NCAN: variants seen among roughly 807,000 people sequenced by gnomAD.
NCAN encodes neurocan core protein.
A neutral mutation model predicts 121.8 loss-of-function variants in NCAN; 47 were observed. The ratio of observed to expected loss-of-function variants is 0.39; its 90% CI spans 0.31 to 0.49. The LOEUF is 0.49. NCAN is among the 20% of genes least tolerant of loss of function. The pLI is 0.92. For missense variants in NCAN, 1,517 were observed against 1,773.4 expected, an observed-to-expected ratio of 0.86 and a Z score of 2.60; for synonymous variants, 633 against 702.0, an observed-to-expected ratio of 0.90 and a Z score of 1.55.
intron 2 of NCAN, 140 bp from the exon 3 acceptor site, chr19:19,218,775 G>C (rs1445642373): frequency 1.2e-6 from 1 of 834,282 alleles, no homozygotes; most frequent in African/African-American, 1.8e-5. Context: ...TCCAGCCACT[G>C]CTTGGATTCT....
At chr19:19,220,761 A>G (rs764352454) in intron 3 of NCAN, among the ~76,000 whole-genome samples, 4 of 152,056 alleles carry the variant, frequency 2.6e-5, no homozygotes, top group Non-Finnish European at 5.9e-5. Context: ...CCTGGCAACC[A>G]ATTCCTTTAT....
In NCAN at chr19:19,224,402, C is replaced by T. The variant is rs372529260; in HGVS notation, c.747C>T (p.Tyr249=). The change falls in exon 5 of 15, where the codon TAC becomes TAT. Residue 249 remains tyrosine (Y), a synonymous_variant. Transcript: ENST00000252575. ...GGAGGCGCAACCCACAGGAACTCTA[C>T]GATGTGTATTGCTTTGCCCGGGAGC... ...SYGRRNPQEL[Y]DVYCFARELG... 2.2e-5 allele frequency: 35 copies of T among 1,613,900 alleles called. No individual in the cohort carries two copies. The highest frequency in any genetic ancestry group is 2.8e-5 in the Non-Finnish European group (33 of 1,179,976).
chr19:19,224,364 G>A lies in NCAN; in HGVS notation c.709G>A (p.Val237Ile), dbSNP rs1340310676. Reference protein sequence around the residue: ...CYGDRSSLPGVRSYGRRNPQE... With the variant: ...CYGDRSSLPGIRSYGRRNPQE... Reference sequence around the variant, plus strand: ...TGGCGACCGTAGCAGCCTTCCAGGGGTTCGGAGCTATGGGAGGCGCAACCC... The same window carrying A: ...TGGCGACCGTAGCAGCCTTCCAGGGATTCGGAGCTATGGGAGGCGCAACCC... The change falls in exon 5 of 15, where the codon GTT becomes ATT. Residue 237 changes from valine to isoleucine, a missense_variant. By Grantham distance (29) the Val-to-Ile change is conservative (BLOSUM62 3). Coordinates refer to ENST00000252575, the MANE Select transcript of NCAN (RefSeq NM_004386.3). The A allele has an allele frequency of 4.3e-6, 7 of 1,614,072 alleles. No homozygotes were observed. The highest frequency in any genetic ancestry group is 5.9e-6 in the Non-Finnish European group (7 of 1,179,990).
At chr19:19,217,786 A>G (rs2060801055) in intron 2 of NCAN, among the ~76,000 whole-genome samples, 1 of 152,206 alleles carries the variant, frequency 6.6e-6, no homozygotes. Context: ...CAGGGGTTCC[A>G]GGCTAGCCTG....
intron 10 of NCAN, among the ~76,000 whole-genome samples, chr19:19,237,873 A>C (rs546503810): frequency 2.0e-5 from 3 of 152,164 alleles, no homozygotes; most frequent in Admixed American, 2.0e-4. Flanking sequence ...GTGAAACCCT[A>C]TCTCTACTAA....
At chr19:19,249,224 C>A (rs917968162) in intron 14 of NCAN, among the ~76,000 whole-genome samples, 2 of 152,044 alleles carry the variant, frequency 1.3e-5, no homozygotes, top group Non-Finnish European at 2.9e-5. Context: ...GTGTCCACTG[C>A]CATGCCCGGC....
chr19:19,226,687 C>T lies in NCAN; in HGVS notation c.1274C>T (p.Ser425Phe), dbSNP rs753721025. 3.7e-6 allele frequency: 6 copies of T among 1,613,196 alleles called. No homozygotes were observed. In the South Asian group the frequency reaches 5.5e-5, roughly 15 times the overall value. ...ETLILEEKQE[S>F]QQTLSPTPGD... Reference sequence around the variant, plus strand: ...CTGATTTTGGAGGAGAAGCAGGAGTCTCAACAGACCCTCAGCCCTACCCCT... The same window carrying T: ...CTGATTTTGGAGGAGAAGCAGGAGTTTCAACAGACCCTCAGCCCTACCCCT... Residue 425 changes from serine (S) to phenylalanine (F), a missense_variant, in exon 7 of 15, where the codon TCT becomes TTT. By Grantham distance (155) the Ser-to-Phe change is radical. Transcript: ENST00000252575.
At position 19,244,345 on chromosome 19, in the gene NCAN, A is replaced by G. The variant is rs143994859; in HGVS notation, c.3493-968A>G. On this transcript the variant is annotated intron_variant, in intron 12 of 14. Coordinates refer to ENST00000252575, the MANE Select transcript of NCAN (RefSeq NM_004386.3). ...TTTTTTTGAGATAGAATCTCACTCC[A>G]TCACCCGGGCTGGAGTTCAGTGATG... Among the ~76,000 whole-genome samples, 147 of 140,324 alleles carry G rather than the reference A, an allele frequency of 1.0e-3. 3 individuals are homozygous for G. In the East Asian group the frequency reaches 0.017, roughly 16 times the overall value. 92.1% of individuals were successfully genotyped at this position (140,324 alleles called of 152,430 possible).
At chr19:19,219,845 T>G in intron 3 of NCAN, among the ~76,000 whole-genome samples, 1 of 132,332 alleles carries the variant, frequency 7.6e-6, no homozygotes, top group African/African-American at 2.9e-5. Context: ...GCCAACATGG[T>G]GAAACCCCGT....
In NCAN at chr19:19,225,434, TACG is replaced by T. The variant is rs1195582326; in HGVS notation, c.1072+167_1072+169del. Among the ~76,000 whole-genome samples the T allele has an allele frequency of 1.3e-5, 2 of 152,312 alleles. No individual in the cohort carries two copies. Among genetic ancestry groups the T allele is most frequent in the East Asian group, 3.9e-4 (2 of 5,164 alleles). The stretch of plus-strand genomic sequence containing the variant: ...GCCCCCGGGTGAAGGCCACACCCGT[TACG>T]ACAAGTCTTTCCCTAGGAGCCCCGT... On this transcript the variant is annotated intron_variant, in intron 6 of 14. Transcript: ENST00000252575. This position sits in a 1 kb window ranked among gnomAD's most constrained non-coding sequence, Gnocchi z 4.0.
chr19:19,216,799 G>A (rs1192304254), intron 1 of NCAN, 148 bp from the exon 2 acceptor site: 6 of 445,394 alleles, frequency 1.3e-5, no homozygotes, highest in Non-Finnish European at 1.6e-5. Context: ...CCCTTTGCTG[G>A]CTCCTTCTGT....
chr19:19,224,459 G>C (rs1346822943), intron 5 of NCAN, 26 bp downstream of exon 5: 1 of 1,606,310 alleles, frequency 6.2e-7, no homozygotes, highest in Non-Finnish European at 8.5e-7. Context: ...GCAGGACCCG[G>C]CCCCTCCGCC....
Position 19,251,945 on chromosome 19 carries a change from C to T in NCAN, c.*2034C>T, listed in dbSNP as rs151315225. On this transcript the variant is annotated 3_prime_UTR_variant, in exon 15 of 15. Transcript: ENST00000252575. ...GGGGGTCTTGGTTTATGCTCCCTGC[C>T]CTTGAGCCCCTCAGCCGTTTGCCCT... 14 of 152,480 alleles carry T rather than the reference C, an allele frequency of 9.2e-5. No homozygotes were observed. The East Asian group carries it at 2.7e-3, about 30-fold the overall frequency. 9.4% of individuals were successfully genotyped at this position (152,480 alleles called of 1,614,324 possible). A position where few individuals can be genotyped will look rare whatever the true frequency, so the allele number is the denominator to read the frequency against.
Position 19,218,904 on chromosome 19 carries a change from C to T in NCAN, c.74-11C>T. ...CTGAATCAGGCCCTCTCTCCACCTT[C>T]TCCAACCCAGGCACACAGGATATCA... On this transcript the variant is annotated splice_polypyrimidine_tract_variant and intron_variant, in intron 2 of 14. Coordinates refer to ENST00000252575, the MANE Select transcript of NCAN (RefSeq NM_004386.3). 6.7e-7 allele frequency: 1 copy of T among 1,482,392 alleles called. No homozygotes were observed. The highest frequency in any genetic ancestry group is 9.0e-7 in the Non-Finnish European group (1 of 1,113,498). 91.8% of individuals were successfully genotyped at this position (1,482,392 alleles called of 1,614,324 possible).
chr19:19,217,766 C>A (rs1228740303), intron 2 of NCAN, among the ~76,000 whole-genome samples: 1 of 151,950 alleles, frequency 6.6e-6, no homozygotes, highest in East Asian at 1.9e-4. Flanking sequence ...GCAGGCAGAT[C>A]ACTTGAGGTC....
chr19:19,239,294 G>A (rs72999016), intron 11 of NCAN, among the ~76,000 whole-genome samples: 16,240 of 151,868 alleles, frequency 0.11, 1,135 homozygotes, highest in Middle Eastern at 0.26. Context: ...AGGGTGGGGT[G>A]AGGATGCACC....
At chr19:19,243,728 G>A (rs1019916746) in intron 12 of NCAN, among the ~76,000 whole-genome samples, 8 of 151,700 alleles carry the variant, frequency 5.3e-5, no homozygotes, top group African/African-American at 2.4e-5. Flanking sequence ...AACTGCACAC[G>A]TAAAAATGGT....
In NCAN at chr19:19,225,260, C is replaced by T. The variant is rs2060831465; in HGVS notation, c.1062C>T (p.Tyr354=). 4 of 1,544,142 alleles carry T rather than the reference C, an allele frequency of 2.6e-6. No homozygotes were observed. The highest frequency in any genetic ancestry group is 3.5e-6 in the Non-Finnish European group (4 of 1,157,936). The change falls in exon 6 of 15, where the codon TAC becomes TAT. Residue 354 remains tyrosine, a synonymous_variant. Coordinates refer to ENST00000252575, the MANE Select transcript of NCAN (RefSeq NM_004386.3). This position sits in a 1 kb window ranked among gnomAD's most constrained non-coding sequence, Gnocchi z 4.0. ...FPSPAERFDA[Y]CFRAHHPTSQ... ...CACCCGCCGAGCGCTTCGACGCCTA[C>T]TGCTTCCGAGGTGCGTGCGTCCCCT...
chr19:19,249,737 C>T (rs776996832), intron 14 of NCAN, 29 bp from the exon 15 acceptor site: 1 of 1,572,774 alleles, frequency 6.4e-7, no homozygotes, highest in Non-Finnish European at 8.6e-7. Context: ...CCTTTTGTCC[C>T]TTCCCTGTCC....
Sources: gnomAD v4.1 joint callset for allele counts (sites outside exome capture counted in the v4.1 genomes callset) on GRCh38, gnomAD v4.1.1 for gene constraint, Gnocchi (gnomAD v3.1) non-coding constraint, MANE v1.5 for transcripts, NCBI Gene and HGNC (gene_info 2026-07-23, HGNC 2026-07-21) for gene names.